AVEN: variants seen among roughly 807,000 people sequenced by gnomAD.
AVEN encodes the protein apoptosis and caspase activation inhibitor.
Under a neutral mutation model 38.1 loss-of-function variants are expected in AVEN, and 41 were observed. That is an observed-to-expected ratio of 1.08 (90% CI 0.84 to 1.40). The LOEUF is 1.40. Ranked by LOEUF, AVEN falls within the 40% of genes most tolerant of loss-of-function variation. The pLI, the probability that AVEN is intolerant of heterozygous loss-of-function variation, is 0.00. For missense variants in AVEN, 605 were observed against 438.8 expected, an observed-to-expected ratio of 1.38 and a Z score of -3.38; for synonymous variants, 206 against 171.8, an observed-to-expected ratio of 1.20 and a Z score of -1.56.
At chr15:33,870,067 T>C (rs1441371993) in intron 4 of AVEN, among the ~76,000 whole-genome samples, 1 of 152,072 alleles carries the variant, frequency 6.6e-6, no homozygotes, top group African/African-American at 2.4e-5. Flanking sequence ...TACCACTGAG[T>C]TGCACAATCT....
intron 2 of AVEN, among the ~76,000 whole-genome samples, chr15:33,906,993 A>G (rs1018878717): frequency 2.6e-5 from 4 of 152,168 alleles, no homozygotes; most frequent in Non-Finnish European, 5.9e-5. Flanking sequence ...AGGCTTTCCA[A>G]TGTCAAACAA....
chr15:33,866,921 A>G lies in AVEN; in HGVS notation c.974-193T>C, dbSNP rs1890588778. 2.6e-5 allele frequency among the ~76,000 whole-genome samples: 4 copies of G among 152,046 alleles called. No individual in the cohort carries two copies. The South Asian group carries it at 8.3e-4, about 32-fold the overall frequency. ...GCTCTTTATTCTGAAGTTGAACTTC[A>G]CACCTTGCTAGTTGGTTTTTTTTTC... On this transcript the variant is annotated intron_variant, in intron 5 of 5. Transcript: ENST00000306730.
chr15:33,950,098 G>A (rs534062085), intron 2 of AVEN, among the ~76,000 whole-genome samples: 2 of 152,178 alleles, frequency 1.3e-5, no homozygotes, highest in Non-Finnish European at 2.9e-5. Flanking sequence ...TATAATAAGT[G>A]AAATAAGCCA....
At chr15:34,056,399 C>G (rs1400413117) in intron 5 of AVEN, among the ~76,000 whole-genome samples, 2 of 152,116 alleles carry the variant, frequency 1.3e-5, no homozygotes, top group South Asian at 2.1e-4. Flanking sequence ...TTCATGGATT[C>G]CACAGGATAT....
At chr15:33,945,288 G>C (rs1323690079) in intron 2 of AVEN, among the ~76,000 whole-genome samples, 1 of 152,158 alleles carries the variant, frequency 6.6e-6, no homozygotes. Context: ...ACCTCCAAGA[G>C]AATCTGGTAA....
intron 2 of AVEN, among the ~76,000 whole-genome samples, chr15:33,909,676 A>T (rs1473941662): frequency 6.6e-6 from 1 of 152,238 alleles, no homozygotes; most frequent in Non-Finnish European, 1.5e-5. Flanking sequence ...GCTACCAGTT[A>T]AAAAACCACC....
At chr15:33,899,344 G>C (rs531850008) in intron 2 of AVEN, among the ~76,000 whole-genome samples, 1 of 151,990 alleles carries the variant, frequency 6.6e-6, no homozygotes, top group South Asian at 2.1e-4. Flanking sequence ...CAGCTGGAGG[G>C]TCCTCAAAGA....
At chr15:33,877,811 T>C (rs1891309579) in intron 2 of AVEN, among the ~76,000 whole-genome samples, 1 of 152,086 alleles carries the variant, frequency 6.6e-6, no homozygotes, top group Non-Finnish European at 1.5e-5. Context: ...TAGCCGAGCA[T>C]GGTGGCACAC....
intron 2 of AVEN, among the ~76,000 whole-genome samples, chr15:34,002,724 G>T (rs916778546): frequency 6.6e-6 from 1 of 152,072 alleles, no homozygotes; most frequent in Non-Finnish European, 1.5e-5. Context: ...CAATATCAAA[G>T]AAAACATTTA....
chr15:33,852,747 A>G, the AVEN span: 5 of 291,208 alleles, frequency 1.7e-5, no homozygotes, highest in African/African-American at 1.1e-4. Context: ...ACTTAGAAAC[A>G]TACAACTGTC....
chr15:34,030,525 T>G (rs1202675464), intron 1 of AVEN, among the ~76,000 whole-genome samples: 1 of 152,006 alleles, frequency 6.6e-6, no homozygotes, highest in Non-Finnish European at 1.5e-5. Context: ...TTTTTGTATT[T>G]TTAGTAGAGA....
intron 2 of AVEN, among the ~76,000 whole-genome samples, chr15:33,909,330 A>G (rs1204231333): frequency 6.8e-6 from 1 of 146,956 alleles, no homozygotes; most frequent in Non-Finnish European, 1.5e-5. Context: ...GGGAGAAAAA[A>G]CAAACAAACA....
At chr15:33,939,526 T>C (rs183102086) in intron 2 of AVEN, among the ~76,000 whole-genome samples, 41 of 152,244 alleles carry the variant, frequency 2.7e-4, no homozygotes, top group African/African-American at 8.7e-4. Flanking sequence ...ACTGCCACAA[T>C]AGAGGGTTGC....
chr15:33,907,673 A>G (rs1160592106), intron 2 of AVEN, among the ~76,000 whole-genome samples: 1 of 152,152 alleles, frequency 6.6e-6, no homozygotes, highest in African/African-American at 2.4e-5. Context: ...GTTAAAATTC[A>G]GCAGTATGTA....
chr15:33,957,085 G>A (rs1894984118), intron 2 of AVEN, among the ~76,000 whole-genome samples: 1 of 152,190 alleles, frequency 6.6e-6, no homozygotes, highest in Non-Finnish European at 1.5e-5. Flanking sequence ...TTAATAATTT[G>A]TTTTACCTGT....
intron 5 of AVEN, among the ~76,000 whole-genome samples, chr15:34,047,097 A>G (rs1339843506): frequency 7.1e-6 from 1 of 141,054 alleles, no homozygotes; most frequent in South Asian, 2.2e-4. Flanking sequence ...CTTTTTTTGG[A>G]GACGGAGTCT....
chr15:33,860,292 C>T (rs1337749683), intron 11 of AVEN, among the ~76,000 whole-genome samples: 1 of 152,110 alleles, frequency 6.6e-6, no homozygotes, highest in Non-Finnish European at 1.5e-5. Flanking sequence ...GAGCCTATCA[C>T]ACAGACTGAA....
intron 5 of AVEN, among the ~76,000 whole-genome samples, chr15:34,050,633 C>T (rs1227349062): frequency 6.6e-6 from 1 of 151,890 alleles, no homozygotes; most frequent in Non-Finnish European, 1.5e-5. Flanking sequence ...CACACATAGG[C>T]TCAAAATAAA....
chr15:33,989,532 C>T (rs17236700), intron 2 of AVEN, among the ~76,000 whole-genome samples: 33,320 of 151,614 alleles, frequency 0.22, 4,152 homozygotes, highest in Middle Eastern at 0.41. Flanking sequence ...TCTATTCCAC[C>T]ACCTAAACAC....
Sources: gnomAD v4.1 joint callset for allele counts (sites outside exome capture counted in the v4.1 genomes callset) on GRCh38, gnomAD v4.1.1 for gene constraint, MANE v1.5 for transcripts, NCBI Gene and HGNC (gene_info 2026-07-23, HGNC 2026-07-21) for gene names.